LRRIQ3: variants seen among roughly 807,000 people sequenced by gnomAD.
The protein encoded by LRRIQ3 is leucine-rich repeat and IQ domain-containing protein 3.
LRRIQ3 carries 75 observed loss-of-function variants against 59.3 expected under a neutral mutation model. That is an observed-to-expected ratio of 1.26 (90% CI 1.05 to 1.53). The LOEUF is 1.53. Among genes scored for constraint, LRRIQ3 ranks in the 40% most tolerant of loss-of-function variants. The pLI, the probability that LRRIQ3 is intolerant of heterozygous loss-of-function variation, is 0.00. For missense variants in LRRIQ3, 831 were observed against 710.0 expected, an observed-to-expected ratio of 1.17 and a Z score of -1.94; for synonymous variants, 250 against 231.3, an observed-to-expected ratio of 1.08 and a Z score of -0.73.
intron 3 of LRRIQ3, among the ~76,000 whole-genome samples, chr1:74,157,486 T>A (rs1461141468): frequency 1.3e-5 from 2 of 152,118 alleles, no homozygotes; most frequent in African/African-American, 4.8e-5. Flanking sequence ...ATCCTTTATA[T>A]CTAACTTTCA....
At chr1:74,091,845 C>T (rs953822284) in intron 5 of LRRIQ3, among the ~76,000 whole-genome samples, 2 of 151,886 alleles carry the variant, frequency 1.3e-5, no homozygotes, top group African/African-American at 4.8e-5. Context: ...ATTGCTTTGC[C>T]AATTGCTTTC....
At chr1:74,189,170 T>C (rs1416091896) in intron 1 of LRRIQ3, among the ~76,000 whole-genome samples, 4 of 152,138 alleles carry the variant, frequency 2.6e-5, no homozygotes, top group Non-Finnish European at 5.9e-5. Context: ...CTCTCTATGT[T>C]GACCTGTCCT....
chr1:74,096,880 A>T (rs1646456009), intron 5 of LRRIQ3, among the ~76,000 whole-genome samples: 1 of 152,116 alleles, frequency 6.6e-6, no homozygotes, highest in Non-Finnish European at 1.5e-5. Context: ...CTGAACAGCA[A>T]ATGTTGCTGC....
chr1:74,145,331 GGAAT>G (rs1247288834), intron 4 of LRRIQ3, among the ~76,000 whole-genome samples: 2 of 152,120 alleles, frequency 1.3e-5, no homozygotes, highest in Non-Finnish European at 2.9e-5. Flanking sequence ...CAGTAAACTA[GGAAT>G]GCTCTCTGGT....
Position 74,041,705 on chromosome 1 carries a change from GC to G in LRRIQ3, c.1225del (p.Ala409HisfsTer7), listed in dbSNP as rs1340285626. On this transcript the variant is annotated frameshift_variant, in exon 7 of 8. Transcript: ENST00000354431. LOFTEE classifies it high-confidence loss of function. ...GAGTTTCATACCAGCTCTTTGTGGT[GC>G]AAAAAACTCTTTCATACTCCGCTCC... Reference protein sequence around the residue: ...RLERSMKEFFAPQRAGMKLRT... With the variant: ...RLERSMKEFFXPQRAGMKLRT... 1 of 1,613,216 alleles carries G rather than the reference GC, an allele frequency of 6.2e-7. No homozygotes were observed. The highest frequency in any genetic ancestry group is 8.5e-7 in the Non-Finnish European group (1 of 1,179,716).
In LRRIQ3 at chr1:74,088,115, C is replaced by CA. The variant is rs959991592; in HGVS notation, c.868-13326dup. ...CAAACAAACAAACAAAAAAACAAAA[C>CA]AAAAAAAAACAATTGTCTCTCAGAT... On this transcript the variant is annotated intron_variant, in intron 5 of 7. Coordinates refer to ENST00000354431, the MANE Select transcript of LRRIQ3 (RefSeq NM_001105659.2). 2.1e-4 allele frequency among the ~76,000 whole-genome samples: 32 copies of CA among 149,810 alleles called. No individual in the cohort carries two copies. In the East Asian group the frequency reaches 4.7e-3, roughly 22 times the overall value.
At chr1:74,176,162 T>C (rs1179476210) in intron 3 of LRRIQ3, among the ~76,000 whole-genome samples, 2 of 152,178 alleles carry the variant, frequency 1.3e-5, no homozygotes, top group Admixed American at 1.3e-4. Context: ...TAGTAATAGA[T>C]TCTCTTAGTT....
At chr1:74,127,171 T>C (rs1211981057) in intron 4 of LRRIQ3, among the ~76,000 whole-genome samples, 1 of 151,934 alleles carries the variant, frequency 6.6e-6, no homozygotes, top group African/African-American at 2.4e-5. Context: ...GTATTCCTGA[T>C]CCTTTTTAGT....
chr1:74,158,583 A>T (rs1324218854), intron 3 of LRRIQ3, among the ~76,000 whole-genome samples: 1 of 152,116 alleles, frequency 6.6e-6, no homozygotes, highest in African/African-American at 2.4e-5. Context: ...GTGTCTTTAT[A>T]CAATATTATC....
At chr1:74,197,939 G>T in intron 1 of LRRIQ3, 57 bp downstream of exon 1, 1 of 345,600 alleles carries the variant, frequency 2.9e-6, no homozygotes, top group Non-Finnish European at 5.3e-6. Flanking sequence ...ATGTAGTTTC[G>T]CCTTATCCTT....
intron 1 of LRRIQ3, among the ~76,000 whole-genome samples, chr1:74,187,546 A>C (rs1327229881): frequency 6.6e-6 from 1 of 152,074 alleles, no homozygotes; most frequent in Non-Finnish European, 1.5e-5. Context: ...GAGGATGCAA[A>C]GGCCTAAGAA....
intron 4 of LRRIQ3, among the ~76,000 whole-genome samples, chr1:74,123,434 T>TC (rs1646890754): frequency 6.6e-6 from 1 of 151,964 alleles, no homozygotes; most frequent in Non-Finnish European, 1.5e-5. Flanking sequence ...CCATTAACTG[T>TC]CCCCATTCCA....
chr1:74,127,578 C>T (rs1646954399), intron 4 of LRRIQ3, among the ~76,000 whole-genome samples: 1 of 151,590 alleles, frequency 6.6e-6, no homozygotes, highest in South Asian at 2.1e-4. Flanking sequence ...ATTGTATAAA[C>T]AAAAAAAGAG....
intron 7 of LRRIQ3, 35 bp downstream of exon 7, chr1:74,041,178 C>A: frequency 6.9e-7 from 1 of 1,450,470 alleles, no homozygotes; most frequent in Non-Finnish European, 9.3e-7. Flanking sequence ...ATGTAATTGA[C>A]TTTAATGCCT....
intron 6 of LRRIQ3, among the ~76,000 whole-genome samples, chr1:74,070,953 G>A (rs1036085131): frequency 2.3e-5 from 3 of 128,860 alleles, no homozygotes; most frequent in East Asian, 4.8e-4. Context: ...AGGGTGGTCC[G>A]TGGCTAAAGA....
At chr1:74,028,413 C>T (rs921927889) in intron 7 of LRRIQ3, among the ~76,000 whole-genome samples, 1 of 151,950 alleles carries the variant, frequency 6.6e-6, no homozygotes, top group Non-Finnish European at 1.5e-5. Flanking sequence ...TGGGTTGATA[C>T]ATTAAAAATT....
At position 74,094,864 on chromosome 1, in the gene LRRIQ3, GT is replaced by G. The variant is rs1437621276; in HGVS notation, c.867+14529del. ...CCCTTTGGTAGAGGCTTTGTGTTCTGTTTTTGGAAAAGGTACAGGCAAATGT... is the reference window on the plus strand; with the variant it reads ...CCCTTTGGTAGAGGCTTTGTGTTCTGTTTTGGAAAAGGTACAGGCAAATGT... On this transcript the variant is annotated intron_variant, in intron 5 of 7. Transcript: ENST00000354431. Among the ~76,000 whole-genome samples, 4 of 152,146 alleles carry G rather than the reference GT, an allele frequency of 2.6e-5. No homozygotes were observed. In the South Asian group the frequency reaches 6.2e-4, roughly 24 times the overall value.
intron 3 of LRRIQ3, among the ~76,000 whole-genome samples, chr1:74,159,732 A>C (rs1047680194): frequency 6.6e-6 from 1 of 152,106 alleles, no homozygotes; most frequent in Non-Finnish European, 1.5e-5. Context: ...ATTCTTTCTT[A>C]AATTACAGGC....
chr1:74,124,764 C>G (rs1646911400), intron 4 of LRRIQ3, among the ~76,000 whole-genome samples: 1 of 151,798 alleles, frequency 6.6e-6, no homozygotes, highest in Non-Finnish European at 1.5e-5. Context: ...TACTATATCT[C>G]TGTAGTATAA....
Sources: allele counts gnomAD v4.1 joint callset (sites outside exome capture counted in the v4.1 genomes callset), GRCh38; gene constraint gnomAD v4.1.1; transcripts MANE v1.5; gene names NCBI Gene and HGNC (gene_info 2026-07-23, HGNC 2026-07-21).